The following RCOR1 variants were observed in gnomAD, a reference collection of about 807,000 sequenced individuals.
The protein encoded by RCOR1 is REST corepressor 1.
Under a neutral mutation model 64.0 loss-of-function variants are expected in RCOR1, and 12 were observed. The observed-to-expected ratio is 0.19, with a 90% CI of 0.12 to 0.30. The LOEUF (loss-of-function observed/expected upper bound fraction) is 0.30. Among genes scored for constraint, RCOR1 ranks in the 10% least tolerant of loss-of-function variants. The pLI, the probability that RCOR1 is intolerant of heterozygous loss-of-function variation, is 1.00. For missense variants in RCOR1, 502 were observed against 621.2 expected (o/e 0.81, Z 2.04); for synonymous variants, 279 against 227.2 (o/e 1.23, Z -2.05).
At chr14:102,655,044 C>T (rs535910188) in intron 2 of RCOR1, among the ~76,000 whole-genome samples, 49 of 150,044 alleles carry the variant, frequency 3.3e-4, no homozygotes, top group Admixed American at 2.9e-3. Flanking sequence ...CTCCTGGCCT[C>T]AAGCCATCCT....
intron 3 of RCOR1, among the ~76,000 whole-genome samples, chr14:102,686,849 C>G (rs1211631801): frequency 6.6e-6 from 1 of 152,204 alleles, no homozygotes; most frequent in East Asian, 1.9e-4. Context: ...CCTCTCCCAC[C>G]CCCACATTAC....
At chr14:102,691,317 G>A (rs1239466988) in intron 3 of RCOR1, among the ~76,000 whole-genome samples, 2 of 135,918 alleles carry the variant, frequency 1.5e-5, no homozygotes, top group Admixed American at 1.5e-4. Context: ...TACCTAGGAT[G>A]GGGAGAGGTG....
Position 102,639,890 on chromosome 14 carries a change from A to T in RCOR1, c.362-42005A>T, listed in dbSNP as rs113810340. ...TGAGACGGAGTCTCGCTCTGTCCCCAGGCTGGAGTGCAATGGCATGACCTC... is the reference window on the plus strand; with the variant it reads ...TGAGACGGAGTCTCGCTCTGTCCCCTGGCTGGAGTGCAATGGCATGACCTC... On this transcript the variant is annotated intron_variant, in intron 2 of 11. Transcript: ENST00000262241. Among the ~76,000 whole-genome samples the T allele has an allele frequency of 7.1e-3, 1,079 of 151,530 alleles. 11 individuals are homozygous for T. Among genetic ancestry groups the T allele is most frequent in the Non-Finnish European group, 8.9e-3 (606 of 67,902 alleles).
chr14:102,655,177 T>A, intron 2 of RCOR1: 1 of 649,966 alleles, frequency 1.5e-6, no homozygotes, highest in East Asian at 1.4e-4. Context: ...AATACAGGCA[T>A]ATGGTACAAA....
intron 2 of RCOR1, among the ~76,000 whole-genome samples, chr14:102,624,774 A>G (rs1183381225): frequency 1.4e-5 from 2 of 144,412 alleles, no homozygotes; most frequent in South Asian, 2.2e-4. Flanking sequence ...TCCTCCTCAG[A>G]AAAAAAAAAA....
intron 2 of RCOR1, among the ~76,000 whole-genome samples, chr14:102,602,394 C>CTTTTTTTTTTTTTTTTTTTTTTT (rs66743592): frequency 9.6e-6 from 1 of 104,242 alleles, no homozygotes; most frequent in Non-Finnish European, 1.9e-5. Flanking sequence ...CTTTTCTTTT[C>CTTTTTTTTTTTTTTTTTTTTTTT]TTTTTTTTTT....
At chr14:102,681,535 G>C (rs1455537267) in intron 2 of RCOR1, among the ~76,000 whole-genome samples, 1 of 152,222 alleles carries the variant, frequency 6.6e-6, no homozygotes, top group Non-Finnish European at 1.5e-5. Context: ...CTATTGCCAA[G>C]TCACTAAAAA....
At chr14:102,677,186 G>C (rs1193992407) in intron 2 of RCOR1, among the ~76,000 whole-genome samples, 3 of 136,496 alleles carry the variant, frequency 2.2e-5, no homozygotes, top group Non-Finnish European at 4.8e-5. Flanking sequence ...CCTCCCGGAC[G>C]GGGCGGCTGG....
chr14:102,693,554 G>A (rs183508978), intron 3 of RCOR1, among the ~76,000 whole-genome samples: 74 of 151,598 alleles, frequency 4.9e-4, no homozygotes, highest in African/African-American at 1.6e-3. Context: ...CAGTGGGAGG[G>A]CCTGCCCCTC....
intron 3 of RCOR1, among the ~76,000 whole-genome samples, chr14:102,682,594 C>T (rs1164455906): frequency 6.6e-6 from 1 of 152,182 alleles, no homozygotes; most frequent in Non-Finnish European, 1.5e-5. Context: ...TGAGTCCAAG[C>T]TAGTTGCTTC....
chr14:102,646,023 A>C (rs938518709), intron 2 of RCOR1, among the ~76,000 whole-genome samples: 4 of 152,230 alleles, frequency 2.6e-5, no homozygotes, highest in Admixed American at 6.5e-5. Context: ...CTTGGAAGTT[A>C]CATCACATCA....
intron 2 of RCOR1, among the ~76,000 whole-genome samples, chr14:102,613,698 G>T (rs1317915786): frequency 6.6e-6 from 1 of 150,724 alleles, no homozygotes; most frequent in African/African-American, 2.4e-5. Flanking sequence ...GGGATTACAG[G>T]CATGAGCCAC....
At chr14:102,720,660 A>G (rs1214649708) in intron 8 of RCOR1, among the ~76,000 whole-genome samples, 1 of 152,046 alleles carries the variant, frequency 6.6e-6, no homozygotes, top group Non-Finnish European at 1.5e-5. Flanking sequence ...GTTCAATCCT[A>G]TGTGGTAGTA....
chr14:102,683,765 AGT>A (rs2139962702), intron 3 of RCOR1, among the ~76,000 whole-genome samples: 1 of 152,338 alleles, frequency 6.6e-6, no homozygotes, highest in Admixed American at 6.5e-5. Flanking sequence ...CCTCGGGCCC[AGT>A]GCTGCTTCCG....
intron 2 of RCOR1, among the ~76,000 whole-genome samples, chr14:102,678,007 C>T (rs1388588306): frequency 1.8e-4 from 27 of 150,212 alleles, no homozygotes; most frequent in South Asian, 4.2e-4. Context: ...GAGACCAGCC[C>T]GGCCAACACA....
At chr14:102,594,617 TA>T (rs1893206365) in intron 2 of RCOR1, among the ~76,000 whole-genome samples, 1 of 152,166 alleles carries the variant, frequency 6.6e-6, no homozygotes, top group African/African-American at 2.4e-5. Context: ...GTGTTTCTTT[TA>T]AGTCCATGTT....
intron 2 of RCOR1, among the ~76,000 whole-genome samples, chr14:102,602,084 G>C (rs1039886336): frequency 5.3e-5 from 8 of 151,846 alleles, no homozygotes; most frequent in African/African-American, 1.9e-4. Flanking sequence ...GCTTGAGCCC[G>C]GGAGGCGGAG....
chr14:102,613,882 A>ATTT (rs1893689702), intron 2 of RCOR1, among the ~76,000 whole-genome samples: 9 of 92,394 alleles, frequency 9.7e-5, no homozygotes, highest in African/African-American at 3.5e-4. Context: ...TGAATTAACT[A>ATTT]TTCTTTTTTT....
chr14:102,666,950 G>A (rs940827324), intron 2 of RCOR1, among the ~76,000 whole-genome samples: 2 of 152,112 alleles, frequency 1.3e-5, no homozygotes, highest in Non-Finnish European at 1.5e-5. Flanking sequence ...TTTTTGGAAA[G>A]AGGTCACTAT....
Sources: allele counts gnomAD v4.1 joint callset (sites outside exome capture counted in the v4.1 genomes callset), GRCh38; gene constraint gnomAD v4.1.1; transcripts MANE v1.5; gene names NCBI Gene and HGNC (gene_info 2026-07-23, HGNC 2026-07-21).